PIGL: variants seen among roughly 807,000 people sequenced by gnomAD.
The protein encoded by PIGL is phosphatidylinositol glycan anchor biosynthesis class L, also known as N-acetylglucosaminyl-phosphatidylinositol de-N-acetylase.
PIGL carries 22 observed loss-of-function variants against 31.1 expected under a neutral mutation model. The observed-to-expected ratio is 0.71, with a 90% confidence interval of 0.51 to 1.01. The LOEUF (loss-of-function observed/expected upper bound fraction) is 1.01, where lower values mean the gene tolerates loss of function less well. Among genes scored for constraint, PIGL ranks in the 50% least tolerant of loss-of-function variants. The probability of loss-of-function intolerance (pLI) is 0.00; values close to 1 mark genes in which losing one functional copy is unlikely to be tolerated. For synonymous variants in PIGL, 131 were observed against 117.4 expected (o/e 1.12, Z -0.75); for missense variants, 302 against 315.9 (o/e 0.96, Z 0.33).
chr17:16,310,185 C>G (rs1795644698), intron 3 of PIGL, among the ~76,000 whole-genome samples: 1 of 151,852 alleles, frequency 6.6e-6, no homozygotes, highest in South Asian at 2.1e-4. Flanking sequence ...TCTTCCATTA[C>G]CCACCACTTC....
chr17:16,217,749 C>G lies in PIGL; in HGVS notation c.235+288C>G, dbSNP rs935520960. The G allele has an allele frequency of 5.7e-5, 22 of 389,322 alleles. 2 individuals carry two copies. The South Asian group carries it at 9.0e-4, about 16-fold the overall frequency. 24.1% of individuals were successfully genotyped at this position (389,322 alleles called of 1,614,324 possible). On this transcript the variant is annotated intron_variant, in intron 1 of 6. Transcript: ENST00000225609. ...ATTTCCGTTGGGAACTCCACCTGTA[C>G]TTGTTATTCTGTGGAACTTTTTTTT...
chr17:16,252,544 C>A (rs1022332505), intron 2 of PIGL, among the ~76,000 whole-genome samples: 1 of 149,684 alleles, frequency 6.7e-6, no homozygotes, highest in Non-Finnish European at 1.5e-5. Flanking sequence ...TTTTAGTAAG[C>A]CTTTATTACT....
intron 2 of PIGL, among the ~76,000 whole-genome samples, chr17:16,258,604 A>G (rs1051955684): frequency 1.8e-4 from 28 of 152,136 alleles, no homozygotes; most frequent in Admixed American, 1.8e-3. Context: ...CCCGGGCCCA[A>G]GCGATTCTCC....
At chr17:16,228,027 T>C (rs1414701029) in intron 1 of PIGL, among the ~76,000 whole-genome samples, 4 of 151,256 alleles carry the variant, frequency 2.6e-5, no homozygotes, top group African/African-American at 2.4e-5. Flanking sequence ...AAGACATACA[T>C]AACAAGAACT....
intron 2 of PIGL, among the ~76,000 whole-genome samples, chr17:16,270,439 TATTAATTATAAATTA>T (rs1023854357): frequency 4.4e-5 from 6 of 137,542 alleles, no homozygotes; most frequent in African/African-American, 1.5e-4. Flanking sequence ...AATTATAAAT[TATTAATTATAAATTA>T]ATTAATTATA....
At chr17:16,279,427 A>G (rs2092908130) in intron 2 of PIGL, among the ~76,000 whole-genome samples, 1 of 152,236 alleles carries the variant, frequency 6.6e-6, no homozygotes, top group African/African-American at 2.4e-5. Flanking sequence ...TTCTAAATGA[A>G]TGCATATAAT....
At chr17:16,280,298 G>A (rs1018471355) in intron 2 of PIGL, among the ~76,000 whole-genome samples, 1 of 152,190 alleles carries the variant, frequency 6.6e-6, no homozygotes, top group Admixed American at 6.5e-5. Flanking sequence ...GAGAAAGAGG[G>A]TTGATGGAAA....
chr17:16,217,618 G>C, intron 1 of PIGL, 157 bp downstream of exon 1: 2 of 607,848 alleles, frequency 3.3e-6, no homozygotes, highest in South Asian at 2.3e-5. Context: ...AGGGACAGGA[G>C]CGGCCGGCTT....
At chr17:16,285,728 T>A (rs990185673) in intron 2 of PIGL, among the ~76,000 whole-genome samples, 2 of 152,224 alleles carry the variant, frequency 1.3e-5, no homozygotes, top group African/African-American at 4.8e-5. Context: ...GATCTTTATA[T>A]ACCTCTTTTT....
rs538339671 is a variant in PIGL, at chr17:16,239,777, G to T, written c.335+5707G>T. ...AGCAGCAACTGAGATGGAGATGATG[G>T]GATGAATTCAACTCTTTTTTTTTTT... On this transcript the variant is annotated intron_variant, in intron 2 of 6. Transcript: ENST00000225609. Among the ~76,000 whole-genome samples the T allele has an allele frequency of 5.7e-4, 86 of 152,148 alleles. 2 individuals carry two copies. Among genetic ancestry groups the T allele is most frequent in the African/African-American group, 2.0e-3 (83 of 41,508 alleles).
At chr17:16,316,378 G>A in intron 4 of PIGL, among the ~76,000 whole-genome samples, 1 of 152,200 alleles carries the variant, frequency 6.6e-6, no homozygotes, top group South Asian at 2.1e-4. Flanking sequence ...GAAAAACTAT[G>A]AAGAGTCCAG....
At position 16,298,489 on chromosome 17, in the gene PIGL, G is replaced by A. The variant is rs117586866; in HGVS notation, c.336-1399G>A. On this transcript the variant is annotated intron_variant, in intron 2 of 6. Coordinates refer to ENST00000225609, the MANE Select transcript of PIGL (RefSeq NM_004278.4). ...TAGATCAAAGCACAGAAAAGAGACA[G>A]GAAGGATTTCAGCAGGTTGGAGAAG... Among the ~76,000 whole-genome samples, 643 of 152,330 alleles carry A rather than the reference G, an allele frequency of 4.2e-3. 3 individuals carry two copies. The highest frequency in any genetic ancestry group is 6.1e-3 in the Non-Finnish European group (412 of 68,026).
Position 16,217,482 on chromosome 17 carries a change from C to T in PIGL, c.235+21C>T, listed in dbSNP as rs760247326. The T allele has an allele frequency of 1.9e-6, 3 of 1,571,144 alleles. No homozygotes were observed. In the African/African-American group the frequency reaches 4.1e-5, roughly 21 times the overall value. Reference sequence around the variant, plus strand: ...TGCAGGTAGGAGGCCATAGGAGGGGCGATGGGAGCCGGGGCTTTGAAAGGG... The same window carrying T: ...TGCAGGTAGGAGGCCATAGGAGGGGTGATGGGAGCCGGGGCTTTGAAAGGG... On this transcript the variant is annotated intron_variant, in intron 1 of 6. Coordinates refer to ENST00000225609, the MANE Select transcript of PIGL (RefSeq NM_004278.4).
At chr17:16,274,081 TCAGGA>T (rs2092883511) in intron 2 of PIGL, among the ~76,000 whole-genome samples, 1 of 152,158 alleles carries the variant, frequency 6.6e-6, no homozygotes, top group African/African-American at 2.4e-5. Flanking sequence ...GTCTACTTAA[TCAGGA>T]CAGGCATTTA....
At chr17:16,291,259 G>A (rs1446142843) in intron 2 of PIGL, among the ~76,000 whole-genome samples, 1 of 152,182 alleles carries the variant, frequency 6.6e-6, no homozygotes, top group East Asian at 1.9e-4. Flanking sequence ...TGTAATCCCA[G>A]CACTTTGGAG....
chr17:16,244,327 C>T (rs1324488182), intron 2 of PIGL, among the ~76,000 whole-genome samples: 2 of 152,344 alleles, frequency 1.3e-5, no homozygotes, highest in East Asian at 1.9e-4. Context: ...TTAGTTCATC[C>T]TATGCCCAGG....
intron 3 of PIGL, among the ~76,000 whole-genome samples, chr17:16,300,535 G>T (rs1279486141): frequency 1.3e-5 from 2 of 152,056 alleles, no homozygotes; most frequent in Non-Finnish European, 2.9e-5. Flanking sequence ...ACAAAAATTA[G>T]CCGGGCGTGG....
chr17:16,241,667 C>G (rs2092723886), intron 2 of PIGL, among the ~76,000 whole-genome samples: 1 of 151,752 alleles, frequency 6.6e-6, no homozygotes. Flanking sequence ...AAACCACAAA[C>G]TATAATGAGG....
chr17:16,262,261 G>A (rs902990432), intron 2 of PIGL, among the ~76,000 whole-genome samples: 1 of 152,096 alleles, frequency 6.6e-6, no homozygotes, highest in African/African-American at 2.4e-5. Context: ...ACAGGCGAAG[G>A]ACTTGAGTAG....
Sources: gnomAD v4.1 joint callset for allele counts (sites outside exome capture counted in the v4.1 genomes callset) on GRCh38, gnomAD v4.1.1 for gene constraint, MANE v1.5 for transcripts, NCBI Gene and HGNC (gene_info 2026-07-23, HGNC 2026-07-21) for gene names.